The following BRINP3 variants were observed in gnomAD, a reference collection of about 807,000 sequenced individuals.
BRINP3 encodes the protein BMP/retinoic acid inducible neural specific 3, also known as BMP/retinoic acid-inducible neural-specific protein 3.
A neutral mutation model predicts 71.0 loss-of-function variants in BRINP3; 19 were observed. That is an observed-to-expected ratio of 0.27 (90% CI 0.19 to 0.39). The LOEUF is 0.39. Ranked by LOEUF, BRINP3 falls within the 10% of genes least tolerant of loss-of-function variation. BRINP3 has a pLI of 1.00. For missense variants in BRINP3, 959 were observed against 940.8 expected, an observed-to-expected ratio of 1.02 and a Z score of -0.25; for synonymous variants, 380 against 337.7, an observed-to-expected ratio of 1.13 and a Z score of -1.37.
At chr1:190,135,296 T>C (rs1049246508) in intron 7 of BRINP3, among the ~76,000 whole-genome samples, 1 of 152,154 alleles carries the variant, frequency 6.6e-6, no homozygotes, top group African/African-American at 2.4e-5. Context: ...AAAGCTCTTT[T>C]ATGGAAATGT....
chr1:190,098,514 T>G lies in BRINP3; in HGVS notation c.1805A>C (p.Asp602Ala), dbSNP rs768921580. 6.2e-7 allele frequency: 1 copy of G among 1,614,148 alleles called. No homozygotes were observed. The highest frequency in any genetic ancestry group is 1.7e-5 in the Admixed American group (1 of 60,008). The change falls in exon 8 of 8, where the codon GAC (aspartate) becomes GCC (alanine). Residue 602 changes from aspartate (D) to alanine (A), a missense_variant. Physicochemically the swap from Asp to Ala is moderately radical, Grantham distance 126. Coordinates refer to ENST00000367462, the MANE Select transcript of BRINP3 (RefSeq NM_199051.3). ...CCAGTTATAACACTGCAGGGGTAGG[T>G]CCAACTTAGTCCGCTCCCAGTCTGG... ...SFPDWERTKL[D>A]LPLQCYNWTL... is the part of the protein sequence containing the mutation.
chr1:190,383,727 A>C (rs1233634876), intron 2 of BRINP3, among the ~76,000 whole-genome samples: 2 of 152,062 alleles, frequency 1.3e-5, no homozygotes, highest in African/African-American at 4.8e-5. Context: ...GAATAACACT[A>C]ATTTCAGAGG....
intron 7 of BRINP3, among the ~76,000 whole-genome samples, chr1:190,155,830 C>T (rs1462288629): frequency 2.6e-5 from 4 of 151,996 alleles, no homozygotes; most frequent in Non-Finnish European, 5.9e-5. Context: ...GTCTTGCTTC[C>T]CCTTTGCCTT....
At chr1:190,364,040 G>A (rs1489682139) in intron 2 of BRINP3, among the ~76,000 whole-genome samples, 1 of 137,594 alleles carries the variant, frequency 7.3e-6, no homozygotes, top group Admixed American at 7.6e-5. Flanking sequence ...TATGTGAAAT[G>A]CAATTCACAA....
intron 6 of BRINP3, among the ~76,000 whole-genome samples, chr1:190,185,994 C>T (rs1253622866): frequency 6.6e-6 from 1 of 152,036 alleles, no homozygotes; most frequent in Non-Finnish European, 1.5e-5. Flanking sequence ...TGACACCATA[C>T]ATTATATTTA....
At chr1:190,170,569 A>C (rs1351854163) in intron 6 of BRINP3, among the ~76,000 whole-genome samples, 1 of 152,132 alleles carries the variant, frequency 6.6e-6, no homozygotes. Flanking sequence ...AAGTGGGTAA[A>C]AAACAGTTGA....
chr1:190,351,875 A>G (rs183228711), intron 2 of BRINP3, among the ~76,000 whole-genome samples: 43 of 152,250 alleles, frequency 2.8e-4, no homozygotes, highest in African/African-American at 1.0e-3. Flanking sequence ...AAATGCAACT[A>G]AATTATCTTT....
rs1377346441 is a variant in BRINP3 at position 190,372,155 on chromosome 1, C to T, written c.236+82500G>A. 2.0e-5 allele frequency among the ~76,000 whole-genome samples: 3 copies of T among 152,156 alleles called. No individual in the cohort carries two copies. The South Asian group carries it at 6.2e-4, about 32-fold the overall frequency. ...GGACACAACAGTAATCCAGACCTCA[C>T]AGACATTAAGAATTCATTGAACCTG... On this transcript the variant is annotated intron_variant, in intron 2 of 7. Transcript: ENST00000367462.
intron 2 of BRINP3, among the ~76,000 whole-genome samples, chr1:190,336,836 C>CTCCT (rs35571580): frequency 0.55 from 68,925 of 126,242 alleles, 19,487 homozygotes; most frequent in Admixed American, 0.67. Context: ...CCCTCCCTCC[C>CTCCT]TCCTTCCTTC....
At chr1:190,341,139 C>T (rs779598171) in intron 2 of BRINP3, among the ~76,000 whole-genome samples, 29 of 151,740 alleles carry the variant, frequency 1.9e-4, no homozygotes, top group Non-Finnish European at 2.9e-5. Context: ...AGATCCATTA[C>T]CATCACACTT....
At chr1:190,206,274 A>C (rs1328014298) in intron 6 of BRINP3, among the ~76,000 whole-genome samples, 1 of 152,058 alleles carries the variant, frequency 6.6e-6, no homozygotes, top group Non-Finnish European at 1.5e-5. Context: ...GATTCCAAGG[A>C]AATGCTTGAG....
intron 2 of BRINP3, among the ~76,000 whole-genome samples, chr1:190,330,681 A>C (rs780458186): frequency 2.2e-4 from 34 of 152,074 alleles, no homozygotes; most frequent in Non-Finnish European, 4.1e-4. Flanking sequence ...ACATGCACTC[A>C]CATGTTCATT....
intron 4 of BRINP3, among the ~76,000 whole-genome samples, chr1:190,237,338 T>C (rs113853840): frequency 1.4e-4 from 21 of 151,734 alleles, no homozygotes; most frequent in African/African-American, 5.1e-4. Flanking sequence ...CCATATTCCT[T>C]ACTAATGTCA....
intron 7 of BRINP3, among the ~76,000 whole-genome samples, chr1:190,140,963 T>C (rs1655381338): frequency 6.6e-6 from 1 of 152,172 alleles, no homozygotes; most frequent in South Asian, 2.1e-4. Context: ...AGAGGCTATT[T>C]TTTAAAATCT....
chr1:190,341,142 T>A (rs1289367440), intron 2 of BRINP3, among the ~76,000 whole-genome samples: 1 of 151,772 alleles, frequency 6.6e-6, no homozygotes, highest in Non-Finnish European at 1.5e-5. Flanking sequence ...TCCATTACCA[T>A]CACACTTCAC....
At chr1:190,298,115 G>A (rs1664393211) in intron 2 of BRINP3, among the ~76,000 whole-genome samples, 1 of 152,022 alleles carries the variant, frequency 6.6e-6, no homozygotes. Context: ...AAATATAAGT[G>A]TATAGAGTTT....
At chr1:190,331,415 C>A (rs897487229) in intron 2 of BRINP3, among the ~76,000 whole-genome samples, 2 of 151,958 alleles carry the variant, frequency 1.3e-5, no homozygotes, top group East Asian at 1.9e-4. Flanking sequence ...TCCATTAGAA[C>A]AATAGTTTAC....
intron 4 of BRINP3, among the ~76,000 whole-genome samples, chr1:190,252,365 G>A (rs1284983485): frequency 6.6e-6 from 1 of 152,016 alleles, no homozygotes; most frequent in Non-Finnish European, 1.5e-5. Flanking sequence ...TAGCAACTGT[G>A]TGTTGTTAAA....
intron 2 of BRINP3, among the ~76,000 whole-genome samples, chr1:190,353,039 A>T (rs1249025049): frequency 1.5e-5 from 2 of 137,102 alleles, no homozygotes; most frequent in Non-Finnish European, 3.2e-5. Flanking sequence ...AAGCTGGCTT[A>T]AAAAAAAAAA....
Sources: gnomAD v4.1 joint callset for allele counts (sites outside exome capture counted in the v4.1 genomes callset) on GRCh38, gnomAD v4.1.1 for gene constraint, MANE v1.5 for transcripts, NCBI Gene and HGNC (gene_info 2026-07-23, HGNC 2026-07-21) for gene names.